NOS1AP: variants seen among roughly 807,000 people sequenced by gnomAD.
The protein encoded by NOS1AP is carboxyl-terminal PDZ ligand of neuronal nitric oxide synthase protein.
Under a neutral mutation model 56.2 loss-of-function variants are expected in NOS1AP, and 21 were observed. The observed-to-expected ratio is 0.37, with a 90% confidence interval of 0.26 to 0.54. The LOEUF (loss-of-function observed/expected upper bound fraction) is 0.54. Among genes scored for constraint, NOS1AP ranks in the 20% least tolerant of loss-of-function variants. The pLI is 0.84. For missense variants in NOS1AP, 522 were observed against 657.8 expected (o/e 0.79, Z 2.26); for synonymous variants, 270 against 274.6 (o/e 0.98, Z 0.17).
chr1:162,164,242 C>T (rs1650369055), intron 2 of NOS1AP, among the ~76,000 whole-genome samples: 1 of 152,054 alleles, frequency 6.6e-6, no homozygotes, highest in Non-Finnish European at 1.5e-5. Context: ...AATGTCAGTT[C>T]CTCGCTACTA....
intron 2 of NOS1AP, among the ~76,000 whole-genome samples, chr1:162,268,990 T>A (rs1186768840): frequency 3.3e-5 from 5 of 152,118 alleles, no homozygotes; most frequent in Non-Finnish European, 7.3e-5. Context: ...GATTTAAGTT[T>A]CCAGAGTGAA....
chr1:162,170,129 T>G (rs1268102622), intron 2 of NOS1AP, among the ~76,000 whole-genome samples: 1 of 152,250 alleles, frequency 6.6e-6, no homozygotes, highest in African/African-American at 2.4e-5. Flanking sequence ...TTGTTGTTTA[T>G]TCTTATTCAA....
intron 3 of NOS1AP, among the ~76,000 whole-genome samples, chr1:162,296,449 A>C (rs1655465950): frequency 6.6e-6 from 1 of 152,246 alleles, no homozygotes; most frequent in African/African-American, 2.4e-5. Context: ...GTAAAGTGAC[A>C]GGACTAGATT....
rs1389741260 is a variant in NOS1AP, at chr1:162,287,332, T to G, written c.178-12T>G. ...AGATTGCACTTTCTTTTTGTTTTCT[T>G]CTTTCTTGCAGTATGAGTTTAAAGC... On this transcript the variant is annotated splice_polypyrimidine_tract_variant and intron_variant, in intron 2 of 9. Coordinates refer to ENST00000361897, the MANE Select transcript of NOS1AP (RefSeq NM_014697.3). 6.3e-7 allele frequency: 1 copy of G among 1,591,860 alleles called. No homozygotes were observed. Among genetic ancestry groups the G allele is most frequent in the Non-Finnish European group, 8.6e-7 (1 of 1,159,836 alleles).
chr1:162,334,660 A>G (rs1450452512), intron 5 of NOS1AP, among the ~76,000 whole-genome samples: 3 of 152,228 alleles, frequency 2.0e-5, no homozygotes, highest in Non-Finnish European at 4.4e-5. Flanking sequence ...TTCTGACTTT[A>G]GTTTCGTACA....
intron 8 of NOS1AP, chr1:162,364,324 A>G (rs776012760): frequency 1.9e-5 from 19 of 985,388 alleles, no homozygotes; most frequent in Non-Finnish European, 2.3e-5. Context: ...TCCAGGCCAT[A>G]AAAATTCATT....
chr1:162,159,976 A>G (rs1650132573), intron 2 of NOS1AP, among the ~76,000 whole-genome samples: 1 of 152,164 alleles, frequency 6.6e-6, no homozygotes, highest in African/African-American at 2.4e-5. Flanking sequence ...GGGGGCTTTC[A>G]GTGCTGTCCG....
intron 4 of NOS1AP, among the ~76,000 whole-genome samples, chr1:162,321,746 A>G (rs1656429862): frequency 6.8e-6 from 1 of 148,046 alleles, no homozygotes; most frequent in Non-Finnish European, 1.5e-5. Flanking sequence ...ATATATATAT[A>G]TATATAAAAG....
intron 2 of NOS1AP, among the ~76,000 whole-genome samples, chr1:162,267,698 G>A (rs1488093852): frequency 1.3e-5 from 2 of 152,266 alleles, no homozygotes; most frequent in Admixed American, 6.5e-5. Context: ...AGGAATTTGA[G>A]GCTGCAGTGA....
chr1:162,207,577 CAAGTA>C (rs1222704046), intron 2 of NOS1AP, among the ~76,000 whole-genome samples: 1 of 152,174 alleles, frequency 6.6e-6, no homozygotes, highest in Non-Finnish European at 1.5e-5. Flanking sequence ...TGAGATAATG[CAAGTA>C]AAGTTGTTAA....
intron 6 of NOS1AP, among the ~76,000 whole-genome samples, chr1:162,344,578 G>C (rs1657215494): frequency 2.0e-5 from 3 of 152,158 alleles, no homozygotes; most frequent in Admixed American, 1.3e-4. Context: ...AGGCGTGGTG[G>C]TACACGCCTA....
intron 2 of NOS1AP, among the ~76,000 whole-genome samples, chr1:162,213,083 G>T (rs1036135312): frequency 2.6e-5 from 4 of 152,180 alleles, no homozygotes; most frequent in Non-Finnish European, 4.4e-5. Context: ...TAGGGGATCA[G>T]GTCAGGGCTG....
chr1:162,344,896 C>A (rs1220227282), intron 6 of NOS1AP, among the ~76,000 whole-genome samples: 1 of 151,870 alleles, frequency 6.6e-6, no homozygotes, highest in Non-Finnish European at 1.5e-5. Context: ...ACACATACAG[C>A]TATATTTGTG....
chr1:162,131,218 G>A (rs911512725), intron 1 of NOS1AP, among the ~76,000 whole-genome samples: 23 of 151,916 alleles, frequency 1.5e-4, no homozygotes, highest in African/African-American at 4.8e-4. Context: ...TTAGTCTTGC[G>A]GGCTCTCAGT....
chr1:162,306,841 G>T (rs1411332853), intron 4 of NOS1AP, among the ~76,000 whole-genome samples: 1 of 152,086 alleles, frequency 6.6e-6, no homozygotes, highest in Non-Finnish European at 1.5e-5. Flanking sequence ...GGAGGCTGAG[G>T]CAGGAGAATT....
At position 162,198,946 on chromosome 1, in the gene NOS1AP, T is replaced by C. The variant is rs1651893816; in HGVS notation, c.177+44470T>C. On this transcript the variant is annotated intron_variant, in intron 2 of 9. Coordinates refer to ENST00000361897, the MANE Select transcript of NOS1AP (RefSeq NM_014697.3). ...CTTTCCTAGCTAGGTGGAAAGCAGCTGGAGGGTAGGATCAGGTTTTACCCC... is the reference window on the plus strand; with the variant it reads ...CTTTCCTAGCTAGGTGGAAAGCAGCCGGAGGGTAGGATCAGGTTTTACCCC... Among the ~76,000 whole-genome samples the C allele has an allele frequency of 2.0e-5, 3 of 152,302 alleles. No homozygotes were observed. The South Asian group carries it at 6.2e-4, about 32-fold the overall frequency.
At chr1:162,276,626 A>T (rs143201245) in intron 2 of NOS1AP, among the ~76,000 whole-genome samples, 22 of 152,054 alleles carry the variant, frequency 1.4e-4, no homozygotes, top group African/African-American at 4.8e-4. Flanking sequence ...TAAGTTTCCC[A>T]GTTGGCTCTA....
intron 2 of NOS1AP, 26 bp from the exon 3 acceptor site, chr1:162,287,318 T>C (rs1252417330): frequency 3.2e-6 from 5 of 1,545,760 alleles, no homozygotes; most frequent in Non-Finnish European, 4.5e-6. Context: ...GATTGCACTT[T>C]CTTTTTGTTT....
intron 1 of NOS1AP, among the ~76,000 whole-genome samples, chr1:162,099,197 G>T (rs201943910): frequency 9.2e-5 from 13 of 141,404 alleles, no homozygotes; most frequent in South Asian, 2.2e-4. Context: ...CTTTTTTTTT[G>T]TTTTTTTTTT....
Sources: gnomAD v4.1 joint callset for allele counts (sites outside exome capture counted in the v4.1 genomes callset) on GRCh38, gnomAD v4.1.1 for gene constraint, MANE v1.5 for transcripts, NCBI Gene and HGNC (gene_info 2026-07-23, HGNC 2026-07-21) for gene names.